Variants in LINGO2 observed in about 807,000 individuals in gnomAD.
LINGO2 encodes leucine rich repeat and Ig domain containing 2, also known as leucine-rich repeat and immunoglobulin-like domain-containing nogo receptor-interacting protein 2.
Under a neutral mutation model 30.6 loss-of-function variants are expected in LINGO2, and 14 were observed. That is an observed-to-expected ratio of 0.46 (90% CI 0.30 to 0.72). LINGO2 has a LOEUF of 0.72. LINGO2 is among the 30% of genes least tolerant of loss of function. The pLI, the probability that LINGO2 is intolerant of heterozygous loss-of-function variation, is 0.07. For synonymous variants in LINGO2, 317 were observed against 288.5 expected (o/e 1.10, Z -1.00); for missense variants, 729 against 751.7 (o/e 0.97, Z 0.35).
At chr9:28,440,605 C>G (rs1283039890) in intron 2 of LINGO2, among the ~76,000 whole-genome samples, 1 of 152,000 alleles carries the variant, frequency 6.6e-6, no homozygotes, top group Non-Finnish European at 1.5e-5. Context: ...AAAAATTACA[C>G]AAAAACTCTG....
At position 28,004,052 on chromosome 9, in the gene LINGO2, A is replaced by G. The variant is rs559830231; in HGVS notation, c.-36+8303T>C. Among the ~76,000 whole-genome samples the G allele has an allele frequency of 2.0e-5, 3 of 152,328 alleles. No individual in the cohort carries two copies. In the South Asian group the frequency reaches 6.2e-4, roughly 32 times the overall value. On this transcript the variant is annotated intron_variant, in intron 5 of 5. Transcript: ENST00000379992. ...AAGGTGACATGCTTTCTTTTTAAGA[A>G]CAATGAAATAATCAAACTAGCCTTC...
At chr9:29,031,760 C>T in the LINGO2 span, among the ~76,000 whole-genome samples, 32 of 152,126 alleles carry the variant, frequency 2.1e-4, no homozygotes, top group South Asian at 6.0e-3. Flanking sequence ...ACAGCTCTTC[C>T]GATAAGTATG....
At chr9:28,175,909 T>C (rs1264293257) in intron 4 of LINGO2, among the ~76,000 whole-genome samples, 1 of 152,198 alleles carries the variant, frequency 6.6e-6, no homozygotes, top group Non-Finnish European at 1.5e-5. Flanking sequence ...TAAATTCTTA[T>C]TCTGATGGTG....
chr9:28,252,313 C>A (rs891627088), intron 4 of LINGO2, among the ~76,000 whole-genome samples: 5 of 152,014 alleles, frequency 3.3e-5, no homozygotes, highest in African/African-American at 1.2e-4. Context: ...GCAACCTCTG[C>A]CTCCCGGGTT....
the LINGO2 span, among the ~76,000 whole-genome samples, chr9:29,073,147 T>G: frequency 2.0e-5 from 3 of 151,980 alleles, no homozygotes; most frequent in Non-Finnish European, 4.4e-5. Flanking sequence ...AAGTGAACTA[T>G]TAGAAAAGAA....
the LINGO2 span, among the ~76,000 whole-genome samples, chr9:28,978,791 A>G: frequency 1.3e-5 from 2 of 151,926 alleles, no homozygotes; most frequent in African/African-American, 4.8e-5. Context: ...TAAAATTATC[A>G]TTCTATTTTA....
intron 4 of LINGO2, among the ~76,000 whole-genome samples, chr9:28,034,452 G>A (rs886919959): frequency 1.2e-4 from 18 of 152,176 alleles, no homozygotes; most frequent in South Asian, 2.1e-4. Flanking sequence ...TGGAGGTTTC[G>A]CACATATTCT....
At chr9:27,996,458 A>C (rs1263036115) in intron 5 of LINGO2, among the ~76,000 whole-genome samples, 1 of 152,192 alleles carries the variant, frequency 6.6e-6, no homozygotes, top group Non-Finnish European at 1.5e-5. Context: ...GCCATGAAGA[A>C]TGGAATCCTG....
chr9:28,527,599 T>A (rs1821083498), intron 1 of LINGO2, among the ~76,000 whole-genome samples: 1 of 152,164 alleles, frequency 6.6e-6, no homozygotes, highest in Admixed American at 6.5e-5. Flanking sequence ...AGTAGCCTTA[T>A]AGCCTGAGGC....
the LINGO2 span, among the ~76,000 whole-genome samples, chr9:28,916,263 G>A: frequency 6.6e-6 from 1 of 152,068 alleles, no homozygotes; most frequent in Non-Finnish European, 1.5e-5. Context: ...GACATATTTT[G>A]AAATGACCCT....
At chr9:28,538,744 G>T (rs73644062) in intron 1 of LINGO2, among the ~76,000 whole-genome samples, 7,195 of 152,076 alleles carry the variant, frequency 0.047, 557 homozygotes, top group African/African-American at 0.16. Flanking sequence ...TTTTATAGTA[G>T]CATTAATTCA....
intron 4 of LINGO2, among the ~76,000 whole-genome samples, chr9:28,206,001 C>T (rs1430489558): frequency 6.6e-6 from 1 of 151,740 alleles, no homozygotes; most frequent in East Asian, 1.9e-4. Context: ...CCTGTCTCTA[C>T]TAAAAATACA....
At chr9:28,031,011 AATG>A (rs1333176300) in intron 4 of LINGO2, among the ~76,000 whole-genome samples, 3 of 152,186 alleles carry the variant, frequency 2.0e-5, no homozygotes, top group Non-Finnish European at 4.4e-5. Flanking sequence ...CAAGGATTTA[AATG>A]ATATGATCAA....
exon 6 of LINGO2, chr9:27,950,488 A>G (rs1339143113): frequency 6.2e-7 from 1 of 1,600,622 alleles, no homozygotes; most frequent in Non-Finnish European, 8.5e-7. Flanking sequence ...CTGAGGTCCA[A>G]GATTTTGGTT....
chr9:28,616,611 A>G (rs1826141507), intron 1 of LINGO2, among the ~76,000 whole-genome samples: 1 of 152,200 alleles, frequency 6.6e-6, no homozygotes, highest in African/African-American at 2.4e-5. Context: ...TCCTTTGCAC[A>G]TATAGAAATG....
At chr9:29,124,855 A>G in the LINGO2 span, among the ~76,000 whole-genome samples, 1 of 152,166 alleles carries the variant, frequency 6.6e-6, no homozygotes, top group East Asian at 1.9e-4. Flanking sequence ...CAGTGTAGCG[A>G]TTCCTTAAGG....
At chr9:28,146,501 ATAAAG>A (rs138241012) in intron 4 of LINGO2, among the ~76,000 whole-genome samples, 11,855 of 152,220 alleles carry the variant, frequency 0.078, 595 homozygotes, top group African/African-American at 0.14. Flanking sequence ...GAAAACCTAG[ATAAAG>A]TAATCGATTT....
chr9:28,038,031 G>A (rs189044832), intron 4 of LINGO2, among the ~76,000 whole-genome samples: 2 of 152,346 alleles, frequency 1.3e-5, no homozygotes, highest in Admixed American at 6.5e-5. Context: ...AACAGTGGTA[G>A]TGAGTTTCAG....
At chr9:28,090,082 A>C (rs1309007701) in intron 4 of LINGO2, among the ~76,000 whole-genome samples, 5 of 152,168 alleles carry the variant, frequency 3.3e-5, no homozygotes, top group Non-Finnish European at 7.4e-5. Context: ...TAGCTTACCA[A>C]CCAAAAAAAG....
Sources: gnomAD v4.1 joint callset for allele counts (sites outside exome capture counted in the v4.1 genomes callset) on GRCh38, gnomAD v4.1.1 for gene constraint, MANE v1.5 for transcripts, NCBI Gene and HGNC (gene_info 2026-07-23, HGNC 2026-07-21) for gene names.